Variants in GPC3 observed in about 807,000 individuals in gnomAD.
GPC3 encodes the protein glypican 3.
Under a neutral mutation model 34.4 loss-of-function variants are expected in GPC3, and 3 were observed. The ratio of observed to expected loss-of-function variants is 0.09; its 90% CI spans 0.04 to 0.23. GPC3 has a LOEUF of 0.23. GPC3 is among the 10% of genes least tolerant of loss of function. The pLI is 1.00. For missense variants in GPC3, 351 were observed against 445.6 expected (o/e 0.79, Z 1.91); for synonymous variants, 177 against 174.0 (o/e 1.02, Z -0.13).
chrX:133,789,287 A>G (rs933186283), intron 2 of GPC3, among the ~76,000 whole-genome samples: 13 of 111,918 alleles, frequency 1.2e-4, no homozygotes, highest in African/African-American at 4.2e-4. Flanking sequence ...TGGCTGGCAA[A>G]CCTGGAAGCA....
chrX:133,946,175 T>C (rs779200272), intron 2 of GPC3, among the ~76,000 whole-genome samples: 4 of 111,451 alleles, frequency 3.6e-5, no homozygotes, highest in Non-Finnish European at 7.5e-5. Flanking sequence ...TAGAGTTCCC[T>C]TGCAAGGAGG....
chrX:133,770,287 G>A (rs190644155), intron 2 of GPC3, among the ~76,000 whole-genome samples: 109 of 111,307 alleles, frequency 9.8e-4, no homozygotes, highest in African/African-American at 3.2e-3. Context: ...AAAAAAAATC[G>A]CATGTGAGGT....
chrX:133,817,651 C>G (rs988560425), intron 2 of GPC3, among the ~76,000 whole-genome samples: 1 of 108,823 alleles, frequency 9.2e-6, no homozygotes, highest in African/African-American at 3.4e-5. Flanking sequence ...TATTTCTCCC[C>G]AGCAACTGGG....
chrX:133,860,763 T>A (rs1016798139), intron 2 of GPC3, among the ~76,000 whole-genome samples: 3 of 111,446 alleles, frequency 2.7e-5, no homozygotes, highest in African/African-American at 9.8e-5. Context: ...GTGAGGAGTA[T>A]CTCAACCATC....
At chrX:133,880,696 GA>G (rs2076037973) in intron 2 of GPC3, among the ~76,000 whole-genome samples, 1 of 111,771 alleles carries the variant, frequency 8.9e-6, no homozygotes, top group Non-Finnish European at 1.9e-5. Context: ...CAAAGATCAG[GA>G]AAAAAGTCAG....
At chrX:133,737,974 G>A (rs1467300771) in intron 3 of GPC3, among the ~76,000 whole-genome samples, 2 of 111,419 alleles carry the variant, frequency 1.8e-5, no homozygotes, top group East Asian at 5.6e-4. Context: ...TTCACTTTTT[G>A]TTCTTTTCAG....
intron 2 of GPC3, among the ~76,000 whole-genome samples, chrX:133,814,619 G>A (rs1357446527): frequency 4.5e-5 from 5 of 110,858 alleles, no homozygotes; most frequent in African/African-American, 1.3e-4. Context: ...CCAGGCTGGA[G>A]TGCAATGGCG....
At chrX:133,881,824 C>G (rs766849985) in intron 2 of GPC3, among the ~76,000 whole-genome samples, 9 of 112,701 alleles carry the variant, frequency 8.0e-5, no homozygotes, top group Non-Finnish European at 9.4e-5. Flanking sequence ...TCACATGCCA[C>G]TGTTTACTGA....
At chrX:133,948,356 A>T (rs1262133621) in intron 2 of GPC3, among the ~76,000 whole-genome samples, 1 of 110,528 alleles carries the variant, frequency 9.0e-6, no homozygotes, top group Non-Finnish European at 1.9e-5. Context: ...GACAGAAGAG[A>T]GTCTAAAAAC....
chrX:133,669,955 T>C (rs1332100149), intron 5 of GPC3, among the ~76,000 whole-genome samples: 1 of 110,787 alleles, frequency 9.0e-6, no homozygotes, highest in Non-Finnish European at 1.9e-5. Context: ...TCAGGCAGAT[T>C]GGTTAGGGAT....
Position 133,667,532 on chromosome X carries a change from C to A in GPC3, c.1293-5682G>T, listed in dbSNP as rs765751291. 3.4e-4 allele frequency among the ~76,000 whole-genome samples: 38 copies of A among 111,480 alleles called. No homozygotes were observed. In the East Asian group the frequency reaches 4.5e-3, roughly 13 times the overall value. On this transcript the variant is annotated intron_variant, in intron 5 of 7. Transcript: ENST00000370818. ...CCTTAGGTGGTTGACATCAGGTCAC[C>A]AAGTCAACTTTGTTAGGTTAAATAT...
intron 2 of GPC3, among the ~76,000 whole-genome samples, chrX:133,781,099 T>G (rs1603246305): frequency 8.9e-6 from 1 of 111,852 alleles, no homozygotes; most frequent in Middle Eastern, 4.7e-3. Flanking sequence ...TCTTTTTAAT[T>G]CTGTATTTCT....
rs757987614 is a variant in GPC3, at chrX:133,593,195, G to A, written c.1573+3245C>T. Among the ~76,000 whole-genome samples the A allele has an allele frequency of 2.8e-5, 3 of 107,705 alleles. No individual in the cohort carries two copies. The East Asian group carries it at 8.8e-4, about 31-fold the overall frequency. The allele number at this position is 107,705 out of a possible 115,157, so 93.5% of individuals were successfully genotyped here. A position where few individuals can be genotyped will look rare whatever the true frequency, so the allele number is the denominator to read the frequency against. ...ATACAAAAATTAGCTGGGCGTGGTT[G>A]TGTGCACCTGTAATCCCAGCTACTC... On this transcript the variant is annotated intron_variant, in intron 7 of 7. Transcript: ENST00000370818.
chrX:133,620,219 CAAAAAAAA>C (rs34399470), intron 6 of GPC3, among the ~76,000 whole-genome samples: 2 of 41,929 alleles, frequency 4.8e-5, no homozygotes, highest in African/African-American at 8.2e-5. Context: ...GACTCTGTCT[CAAAAAAAA>C]AAAAAAAAAA....
intron 2 of GPC3, among the ~76,000 whole-genome samples, chrX:133,811,015 C>G (rs1174057178): frequency 1.8e-5 from 2 of 111,603 alleles, no homozygotes; most frequent in Non-Finnish European, 3.8e-5. Flanking sequence ...TCCTAATCGT[C>G]TGTGTGAATA....
At chrX:133,718,336 G>T (rs1362300664) in intron 3 of GPC3, among the ~76,000 whole-genome samples, 1 of 111,572 alleles carries the variant, frequency 9.0e-6, no homozygotes, top group Non-Finnish European at 1.9e-5. Context: ...GGATTTACAT[G>T]CTATTAAAAT....
chrX:133,585,604 A>G (rs137966977), intron 7 of GPC3, among the ~76,000 whole-genome samples: 1,428 of 111,362 alleles, frequency 0.013, 24 homozygotes, highest in African/African-American at 0.044. Context: ...CTGGCATGTA[A>G]GTCTGCACTC....
intron 2 of GPC3, among the ~76,000 whole-genome samples, chrX:133,871,616 A>C (rs2124575907): frequency 8.9e-6 from 1 of 112,407 alleles, no homozygotes; most frequent in African/African-American, 3.2e-5. Flanking sequence ...AAAATGTAAA[A>C]GCCATTATTT....
intron 2 of GPC3, among the ~76,000 whole-genome samples, chrX:133,837,417 A>T (rs1299158754): frequency 8.9e-6 from 1 of 112,169 alleles, no homozygotes; most frequent in Non-Finnish European, 1.9e-5. Context: ...TATGAAATAC[A>T]TGGGAGGAAT....
Sources: allele counts gnomAD v4.1 joint callset (sites outside exome capture counted in the v4.1 genomes callset), GRCh38; gene constraint gnomAD v4.1.1; transcripts MANE v1.5; gene names NCBI Gene and HGNC (gene_info 2026-07-23, HGNC 2026-07-21).